ATP8B1: variants seen among roughly 807,000 people sequenced by gnomAD.
ATP8B1 encodes ATPase phospholipid transporting 8B1, also known as phospholipid-transporting ATPase IC.
Under a neutral mutation model 149.9 loss-of-function variants are expected in ATP8B1, and 80 were observed. The ratio of observed to expected loss-of-function variants is 0.53; its 90% confidence interval spans 0.45 to 0.64. The LOEUF is 0.64. ATP8B1 is among the 30% of genes least tolerant of loss of function. The pLI is 0.00. For synonymous variants in ATP8B1, 536 were observed against 562.8 expected (o/e 0.95, Z 0.67); for missense variants, 1,247 against 1,552.6 (o/e 0.80, Z 3.31).
At chr18:57,777,595 G>T (rs2080316319) in intron 1 of ATP8B1, among the ~76,000 whole-genome samples, 1 of 152,142 alleles carries the variant, frequency 6.6e-6, no homozygotes, top group Non-Finnish European at 1.5e-5. Context: ...TTGAGACAGG[G>T]TCTCACTCTG....
Position 57,691,995 on chromosome 18 carries a change from G to C in ATP8B1, c.1032C>G (p.Ile344Met). 1 of 1,611,734 alleles carries C rather than the reference G, an allele frequency of 6.2e-7. No homozygotes were observed. Among genetic ancestry groups the C allele is most frequent in the Non-Finnish European group, 8.5e-7 (1 of 1,178,946 alleles). ...DYLMNYMVYT[I>M]FVVLILLSAG... Reference sequence around the variant, plus strand: ...CAGAAAGCAGAATAAGAACAACAAAGATCTAGAAGACAGAAAACATTTAAA... The same window carrying C: ...CAGAAAGCAGAATAAGAACAACAAACATCTAGAAGACAGAAAACATTTAAA... The change falls in exon 12 of 28, where the codon ATC becomes ATG. Residue 344 changes from isoleucine to methionine, a missense_variant and splice_region_variant. Ile to Met is a conservative substitution (Grantham distance 10). Transcript: ENST00000648908.
At chr18:57,735,652 A>G (rs1318688984) in intron 1 of ATP8B1, 1 of 152,156 alleles carries the variant, frequency 6.6e-6, no homozygotes, top group Non-Finnish European at 1.5e-5. Context: ...GGTTATATTT[A>G]TACTTTCCTG....
intron 1 of ATP8B1, among the ~76,000 whole-genome samples, chr18:57,796,558 C>G (rs2080517623): frequency 6.6e-6 from 1 of 152,254 alleles, no homozygotes; most frequent in Admixed American, 6.5e-5. Flanking sequence ...AGGACTCACA[C>G]TTTAATTTTT....
chr18:57,793,795 CTATT>C (rs2080485332), intron 1 of ATP8B1, among the ~76,000 whole-genome samples: 1 of 152,182 alleles, frequency 6.6e-6, no homozygotes, highest in Admixed American at 6.5e-5. Context: ...ACTGGCCACT[CTATT>C]TACAATGGCA....
chr18:57,648,984 G>T (rs1352430369), intron 27 of ATP8B1, among the ~76,000 whole-genome samples: 1 of 151,866 alleles, frequency 6.6e-6, no homozygotes, highest in Non-Finnish European at 1.5e-5. Flanking sequence ...TGCAACCTCT[G>T]CCTCCCAGGT....
intron 1 of ATP8B1, among the ~76,000 whole-genome samples, chr18:57,779,677 G>A (rs2850236): frequency 0.63 from 95,954 of 151,940 alleles, 30,749 homozygotes; most frequent in African/African-American, 0.74. Flanking sequence ...AGGCGGGTAG[G>A]TCACGAGGTC....
Position 57,653,974 on chromosome 18 carries a change from C to A in ATP8B1, c.3015+18G>T. ...TCTCATCTGTCCAGAAGTGTCCCTG[C>A]TTGTGCGAGGCTCCTACCTGGTCGA... is the stretch of plus-strand genomic sequence containing the variant. On this transcript the variant is annotated intron_variant, in intron 24 of 27. Coordinates refer to ENST00000648908, the MANE Select transcript of ATP8B1 (RefSeq NM_001374385.1). 1 of 1,602,520 alleles carries A rather than the reference C, an allele frequency of 6.2e-7. No individual in the cohort carries two copies. The highest frequency in any genetic ancestry group is 8.6e-7 in the Non-Finnish European group (1 of 1,169,542).
Position 57,679,014 on chromosome 18 carries a change from G to A in ATP8B1, c.1631-3992C>T, listed in dbSNP as rs531482572. 1.5e-3 allele frequency among the ~76,000 whole-genome samples: 218 copies of A among 140,926 alleles called. 2 individuals are homozygous for A. The highest frequency in any genetic ancestry group is 1.7e-3 in the Non-Finnish European group (113 of 65,672). The allele number at this position is 140,926 out of a possible 152,430, so 92.5% of individuals were successfully genotyped here. A position where few individuals can be genotyped will look rare whatever the true frequency, so the allele number is the denominator to read the frequency against. On this transcript the variant is annotated intron_variant, in intron 15 of 27. Coordinates refer to ENST00000648908, the MANE Select transcript of ATP8B1 (RefSeq NM_001374385.1). ...GACCCGACTTCAATTCCCAGCCAAC[G>A]CAGCAGGCTGACCTTTCGTCCTGGC... is the stretch of plus-strand genomic sequence containing the variant.
At chr18:57,719,479 G>A (rs375560864) in intron 2 of ATP8B1, among the ~76,000 whole-genome samples, 4 of 152,172 alleles carry the variant, frequency 2.6e-5, no homozygotes, top group African/African-American at 2.4e-5. Flanking sequence ...TTCCCTTTCC[G>A]AGTCAAAGAA....
chr18:57,668,235 T>C, intron 19 of ATP8B1, 194 bp downstream of exon 19: 1 of 1,430,210 alleles, frequency 7.0e-7, no homozygotes, highest in Non-Finnish European at 9.3e-7. Context: ...AAACTGCTAC[T>C]GAGGGGGATC....
intron 23 of ATP8B1, 149 bp downstream of exon 23, chr18:57,655,045 C>G (rs1053900568): frequency 2.7e-6 from 2 of 751,404 alleles, no homozygotes; most frequent in African/African-American, 3.5e-5. Flanking sequence ...TTAGAGAAGT[C>G]ATGATCATTC....
intron 1 of ATP8B1, among the ~76,000 whole-genome samples, chr18:57,749,594 C>T (rs1212885819): frequency 6.6e-6 from 1 of 152,192 alleles, no homozygotes; most frequent in African/African-American, 2.4e-5. Flanking sequence ...TAGGTGAAGA[C>T]ACCCTATAGA....
At chr18:57,742,212 A>G (rs2079921494) in intron 1 of ATP8B1, among the ~76,000 whole-genome samples, 1 of 152,196 alleles carries the variant, frequency 6.6e-6, no homozygotes, top group Non-Finnish European at 1.5e-5. Flanking sequence ...ACTTGATGAC[A>G]GTTGTAATTA....
intron 21 of ATP8B1, among the ~76,000 whole-genome samples, chr18:57,662,176 G>C (rs1005069878): frequency 6.6e-6 from 1 of 152,124 alleles, no homozygotes; most frequent in Non-Finnish European, 1.5e-5. Context: ...TGGGACTACA[G>C]GCGCATGCCA....
intron 23 of ATP8B1, 115 bp from the exon 24 acceptor site, chr18:57,654,190 G>T: frequency 1.0e-6 from 1 of 966,426 alleles, no homozygotes; most frequent in South Asian, 1.4e-5. Context: ...TGTTTTAATA[G>T]AGATGGGGGT....
chr18:57,716,912 C>A (rs1247686710), intron 2 of ATP8B1, among the ~76,000 whole-genome samples: 2 of 152,070 alleles, frequency 1.3e-5, no homozygotes, highest in Non-Finnish European at 2.9e-5. Flanking sequence ...AAAGACAGAA[C>A]GTATATTAAG....
At chr18:57,691,175 C>CAAAAAA (rs530091842) in intron 12 of ATP8B1, among the ~76,000 whole-genome samples, 1 of 58,842 alleles carries the variant, frequency 1.7e-5, no homozygotes. Context: ...AACTCCATCT[C>CAAAAAA]AAAAAAAAAA....
At chr18:57,713,080 G>T (rs1468260879) in intron 2 of ATP8B1, among the ~76,000 whole-genome samples, 1 of 152,036 alleles carries the variant, frequency 6.6e-6, no homozygotes, top group Admixed American at 6.5e-5. Flanking sequence ...AGCTGTGGTG[G>T]CCATGGTGAG....
At chr18:57,718,509 G>C (rs1025188812) in intron 2 of ATP8B1, among the ~76,000 whole-genome samples, 2 of 151,926 alleles carry the variant, frequency 1.3e-5, no homozygotes, top group Admixed American at 6.6e-5. Flanking sequence ...CATTCTACAA[G>C]GCCAGTATTA....
Sources: gnomAD v4.1 joint callset for allele counts (sites outside exome capture counted in the v4.1 genomes callset) on GRCh38, gnomAD v4.1.1 for gene constraint, MANE v1.5 for transcripts, NCBI Gene and HGNC (gene_info 2026-07-23, HGNC 2026-07-21) for gene names.